SYK: variants seen among roughly 807,000 people sequenced by gnomAD.
SYK encodes tyrosine-protein kinase SYK.
In SYK, 16 loss-of-function variants were observed where a neutral mutation model predicts 77.8. That is an observed-to-expected ratio of 0.21 (90% CI 0.14 to 0.31). The LOEUF (loss-of-function observed/expected upper bound fraction) is 0.31, where lower values mean the gene tolerates loss of function less well. Among genes scored for constraint, SYK ranks in the 10% least tolerant of loss-of-function variants. The pLI, the probability that SYK is intolerant of heterozygous loss-of-function variation, is 1.00. For synonymous variants in SYK, 312 were observed against 308.7 expected (o/e 1.01, Z -0.11); for missense variants, 529 against 814.4 (o/e 0.65, Z 4.26).
In SYK at chr9:90,895,366, A is replaced by C. The variant is rs1206935129; in HGVS notation, c.1836-162A>C. Among the ~76,000 whole-genome samples, 2 of 152,146 alleles carry C rather than the reference A, an allele frequency of 1.3e-5. No individual in the cohort carries two copies. Among genetic ancestry groups the C allele is most frequent in the African/African-American group, 2.4e-5 (1 of 41,428 alleles). On this transcript the variant is annotated intron_variant, in intron 13 of 13. Coordinates refer to ENST00000375754, the MANE Select transcript of SYK (RefSeq NM_003177.7). The surrounding 1 kb of genome is among the most constrained non-coding windows in gnomAD (Gnocchi z 4.4). Reference sequence around the variant, plus strand: ...CACTATTTTTGACAGCCTTGTGGTCACCCTGGGGTGGGGGGCACAGGGACC... The same window carrying C: ...CACTATTTTTGACAGCCTTGTGGTCCCCCTGGGGTGGGGGGCACAGGGACC...
rs138926794 is a variant in SYK at position 90,874,959 on chromosome 9, C to G, written c.1181+110C>G. ...TGACTAAACCCTTTTTTTATTAATG[C>G]TACCATTCTTGTTAATTTCTGGTAC... On this transcript the variant is annotated intron_variant, in intron 9 of 13. Coordinates refer to ENST00000375754, the MANE Select transcript of SYK (RefSeq NM_003177.7). The G allele has an allele frequency of 4.0e-3, 5,016 of 1,267,454 alleles. 18 individuals carry two copies. The highest frequency in any genetic ancestry group is 4.4e-3 in the Non-Finnish European group (3,985 of 915,454). The allele number at this position is 1,267,454 out of a possible 1,614,324, so 78.5% of individuals were successfully genotyped here.
intron 1 of SYK, among the ~76,000 whole-genome samples, chr9:90,805,143 C>A (rs2562396): frequency 0.41 from 62,835 of 152,028 alleles, 13,916 homozygotes; most frequent in East Asian, 0.62. Context: ...CTTTCTGGGA[C>A]ACCACGTATT....
At chr9:90,833,029 A>T (rs1052940983) in intron 1 of SYK, among the ~76,000 whole-genome samples, 1 of 152,220 alleles carries the variant, frequency 6.6e-6, no homozygotes, top group Non-Finnish European at 1.5e-5. Context: ...TCCTTACCAC[A>T]TGAGCCTCCC....
chr9:90,869,872 C>T (rs1291953701), intron 7 of SYK, among the ~76,000 whole-genome samples: 1 of 152,144 alleles, frequency 6.6e-6, no homozygotes, highest in Non-Finnish European at 1.5e-5. Context: ...CTTTGGGAGG[C>T]CGAGGCAGGT....
intron 13 of SYK, among the ~76,000 whole-genome samples, chr9:90,889,536 C>G (rs1468696743): frequency 6.6e-6 from 1 of 152,250 alleles, no homozygotes; most frequent in Non-Finnish European, 1.5e-5. Flanking sequence ...ATTCCGAGAC[C>G]TCCCCTCCCC....
At chr9:90,803,369 A>G (rs1409301233) in intron 1 of SYK, among the ~76,000 whole-genome samples, 3 of 152,138 alleles carry the variant, frequency 2.0e-5, no homozygotes, top group East Asian at 3.9e-4. Context: ...AGATTTTTCT[A>G]CTGAGGGATT....
intron 6 of SYK, among the ~76,000 whole-genome samples, chr9:90,866,040 A>G: frequency 6.6e-6 from 1 of 151,108 alleles, no homozygotes; most frequent in East Asian, 1.9e-4. Context: ...CTGGGACTAC[A>G]GGCGCCCGCC....
chr9:90,848,216 CGTT>C (rs1436408046), intron 3 of SYK, among the ~76,000 whole-genome samples: 7 of 152,178 alleles, frequency 4.6e-5, no homozygotes, highest in African/African-American at 1.7e-4. Context: ...GTTGCCTAGA[CGTT>C]GGTCCAGATT....
chr9:90,895,738 T>A lies in SYK; in HGVS notation c.*138T>A. The A allele has an allele frequency of 1.3e-6, 1 of 762,940 alleles. No homozygotes were observed. The highest frequency in any genetic ancestry group is 2.2e-6 in the Non-Finnish European group (1 of 459,852). 47.3% of individuals were successfully genotyped at this position (762,940 alleles called of 1,614,324 possible). A position where few individuals can be genotyped will look rare whatever the true frequency, so the allele number is the denominator to read the frequency against. On this transcript the variant is annotated 3_prime_UTR_variant, in exon 14 of 14. Transcript: ENST00000375754. This position sits in a 1 kb window ranked among gnomAD's most constrained non-coding sequence, Gnocchi z 4.4. ...TTGGATGGAACATGCCCACAACTTG[T>A]CACCCAAAGCCTGTCCCAGGACTCA...
rs976271819 is a variant in SYK, at chr9:90,804,029, AG to A, written c.-42+2137del. Among the ~76,000 whole-genome samples the A allele has an allele frequency of 2.4e-4, 36 of 150,646 alleles. No homozygotes were observed. In the East Asian group the frequency reaches 6.8e-3, roughly 28 times the overall value. ...TCTAAGACTTACCAAAAAAAAAAAA[AG>A]TGTTGTTTTTCAGAGCTTTTTAGAG... is the stretch of plus-strand genomic sequence containing the variant. On this transcript the variant is annotated intron_variant, in intron 1 of 13. Transcript: ENST00000375754.
intron 3 of SYK, among the ~76,000 whole-genome samples, chr9:90,850,947 G>A (rs958652095): frequency 1.3e-5 from 2 of 152,134 alleles, no homozygotes; most frequent in Non-Finnish European, 1.5e-5. Flanking sequence ...AGCAGATTAC[G>A]TCTGGGAGAT....
chr9:90,851,444 G>A (rs1459066155), intron 3 of SYK, among the ~76,000 whole-genome samples: 3 of 152,284 alleles, frequency 2.0e-5, no homozygotes, highest in African/African-American at 7.2e-5. Context: ...GGCAGTGTGG[G>A]TCAGTGGTTG....
chr9:90,877,462 G>A (rs1827982636), intron 9 of SYK, 109 bp from the exon 10 acceptor site: 1 of 1,233,022 alleles, frequency 8.1e-7, no homozygotes, highest in African/African-American at 1.5e-5. Flanking sequence ...CTCTGTGGCA[G>A]GTATTTCCGT....
At chr9:90,884,164 C>CAT (rs1564119852) in intron 11 of SYK, among the ~76,000 whole-genome samples, 10 of 69,458 alleles carry the variant, frequency 1.4e-4, no homozygotes, top group African/African-American at 3.5e-4. Flanking sequence ...TATATATACA[C>CAT]ACATACACAT....
intron 1 of SYK, among the ~76,000 whole-genome samples, chr9:90,819,378 G>A (rs1480790819): frequency 6.6e-6 from 1 of 152,158 alleles, no homozygotes; most frequent in Non-Finnish European, 1.5e-5. Context: ...CAGTGTATTA[G>A]TTCATTTTCC....
intron 1 of SYK, among the ~76,000 whole-genome samples, chr9:90,825,238 A>G (rs1453516422): frequency 6.6e-6 from 1 of 152,222 alleles, no homozygotes; most frequent in Non-Finnish European, 1.5e-5. Flanking sequence ...AAGTAAATGG[A>G]AAAGTAGTCC....
chr9:90,861,749 C>A (rs1827274451), intron 3 of SYK, among the ~76,000 whole-genome samples: 1 of 152,202 alleles, frequency 6.6e-6, no homozygotes, highest in African/African-American at 2.4e-5. Flanking sequence ...ACACTCCAAG[C>A]TAGGTGGTAG....
In SYK at chr9:90,877,613, C is replaced by T; in HGVS notation, c.1224C>T (p.Ala408=). 6.2e-7 allele frequency: 1 copy of T among 1,614,174 alleles called. No homozygotes were observed. Among genetic ancestry groups the T allele is most frequent in the South Asian group, 1.1e-5 (1 of 91,072 alleles). Residue 408 remains alanine (A), a synonymous_variant, in exon 10 of 14, where the codon GCC becomes GCT. Coordinates refer to ENST00000375754, the MANE Select transcript of SYK (RefSeq NM_003177.7). ...CTGTGAAAATACTGAAAAACGAGGC[C>T]AATGACCCCGCTCTTAAAGATGAGT... is the stretch of plus-strand genomic sequence containing the variant. ...TVAVKILKNE[A]NDPALKDELL...
chr9:90,864,971 G>A, intron 5 of SYK, 77 bp from the exon 6 acceptor site: 3 of 1,407,276 alleles, frequency 2.1e-6, no homozygotes, highest in Non-Finnish European at 3.0e-6. Flanking sequence ...TGATCTCATT[G>A]ATTGATCTGC....
Sources: allele counts gnomAD v4.1 joint callset (sites outside exome capture counted in the v4.1 genomes callset), GRCh38; gene constraint gnomAD v4.1.1; non-coding constraint Gnocchi (gnomAD v3.1); transcripts MANE v1.5; gene names NCBI Gene and HGNC (gene_info 2026-07-23, HGNC 2026-07-21).